Variants in CSMD1 observed in about 807,000 individuals in gnomAD.
The protein encoded by CSMD1 is CUB and sushi domain-containing protein 1.
Under a neutral mutation model 417.5 loss-of-function variants are expected in CSMD1, and 213 were observed. The observed-to-expected ratio is 0.51, with a 90% CI of 0.46 to 0.57. The LOEUF is 0.57. Among genes scored for constraint, CSMD1 ranks in the 20% least tolerant of loss-of-function variants. CSMD1 has a pLI of 0.00. For missense variants in CSMD1, 6,923 were observed against 4,529.7 expected (o/e 1.53, Z -15.17); for synonymous variants, 2,862 against 1,736.8 (o/e 1.65, Z -16.11).
intron 2 of CSMD1, among the ~76,000 whole-genome samples, chr8:4,610,474 A>G (rs1364803541): frequency 6.6e-6 from 1 of 152,200 alleles, no homozygotes. Context: ...CAGGCTCCAG[A>G]ACCCAAGCTG....
chr8:3,926,110 C>CACACACACAAACACCAT (rs1809698920), intron 5 of CSMD1, among the ~76,000 whole-genome samples: 5 of 79,272 alleles, frequency 6.3e-5, no homozygotes, highest in Non-Finnish European at 1.0e-4. Flanking sequence ...CACACACACA[C>CACACACACAAACACCAT]ACACACACAC....
intron 1 of CSMD1, among the ~76,000 whole-genome samples, chr8:4,700,811 T>C (rs1807480951): frequency 6.6e-6 from 1 of 151,878 alleles, no homozygotes; most frequent in Non-Finnish European, 1.5e-5. Flanking sequence ...GTAGAACGGA[T>C]TAGAGCATGA....
chr8:4,803,167 T>C (rs534383945), intron 1 of CSMD1, among the ~76,000 whole-genome samples: 1 of 152,186 alleles, frequency 6.6e-6, no homozygotes, highest in South Asian at 2.1e-4. Context: ...ATAAGCTATT[T>C]GTTAATATTC....
chr8:3,210,366 C>A (rs988638645), intron 30 of CSMD1, among the ~76,000 whole-genome samples: 1 of 43,484 alleles, frequency 2.3e-5, no homozygotes, highest in Non-Finnish European at 4.9e-5. Flanking sequence ...CACAGATCTT[C>A]AGACATGGAA....
In CSMD1 at chr8:3,170,862, T is replaced by C. The variant is rs573671202; in HGVS notation, c.5726-8585A>G. The stretch of plus-strand genomic sequence containing the variant: ...CCACTGATTGGACATTATTACCTAA[T>C]AATTACATCACATGAAAAGAAACGA... On this transcript the variant is annotated intron_variant, in intron 37 of 69. Transcript: ENST00000635120. 3.9e-5 allele frequency among the ~76,000 whole-genome samples: 6 copies of C among 152,338 alleles called. No individual in the cohort carries two copies. The South Asian group carries it at 8.3e-4, about 21-fold the overall frequency.
chr8:3,010,648 C>T (rs1585143880), intron 52 of CSMD1, among the ~76,000 whole-genome samples: 1 of 152,076 alleles, frequency 6.6e-6, no homozygotes, highest in South Asian at 2.1e-4. Flanking sequence ...GCTTCCCCCA[C>T]ATCTACTCTT....
At chr8:4,797,288 A>G (rs1798032870) in intron 1 of CSMD1, among the ~76,000 whole-genome samples, 1 of 152,204 alleles carries the variant, frequency 6.6e-6, no homozygotes. Flanking sequence ...ACTATGTTTT[A>G]AAACAATGAT....
intron 25 of CSMD1, among the ~76,000 whole-genome samples, chr8:3,300,316 G>A (rs1804292129): frequency 1.3e-5 from 2 of 151,994 alleles, no homozygotes; most frequent in African/African-American, 4.8e-5. Context: ...CTTTTCAAGT[G>A]TAGTTTTCTT....
chr8:3,438,670 C>A (rs576284988), intron 12 of CSMD1, among the ~76,000 whole-genome samples: 5 of 152,276 alleles, frequency 3.3e-5, no homozygotes, highest in African/African-American at 1.2e-4. Flanking sequence ...GGGTGATTTC[C>A]TGTCTTTGAC....
chr8:4,974,538 A>C (rs1393937295), intron 1 of CSMD1, among the ~76,000 whole-genome samples: 3 of 152,116 alleles, frequency 2.0e-5, no homozygotes, highest in Admixed American at 6.6e-5. Flanking sequence ...CGTGAGAGTT[A>C]GTTCAGGCAT....
At chr8:4,086,622 G>C (rs555619032) in intron 3 of CSMD1, among the ~76,000 whole-genome samples, 4 of 152,122 alleles carry the variant, frequency 2.6e-5, no homozygotes, top group Admixed American at 2.0e-4. Context: ...ATGCAGACGC[G>C]AGACTTTTCT....
At chr8:4,095,516 C>G (rs766005929) in intron 3 of CSMD1, among the ~76,000 whole-genome samples, 1 of 152,024 alleles carries the variant, frequency 6.6e-6, no homozygotes, top group Non-Finnish European at 1.5e-5. Context: ...AAAGAATGTC[C>G]CCACTAGTAT....
At chr8:3,194,141 A>T (rs1796572013) in intron 33 of CSMD1, among the ~76,000 whole-genome samples, 1 of 152,202 alleles carries the variant, frequency 6.6e-6, no homozygotes, top group Non-Finnish European at 1.5e-5. Flanking sequence ...AAAATTTTAC[A>T]TTTATTCTTC....
chr8:4,951,974 C>T (rs1004420658), intron 1 of CSMD1, among the ~76,000 whole-genome samples: 2 of 151,226 alleles, frequency 1.3e-5, no homozygotes, highest in South Asian at 2.1e-4. Flanking sequence ...CAGAGCCAAG[C>T]TTCTAAACAT....
intron 3 of CSMD1, among the ~76,000 whole-genome samples, chr8:4,411,808 C>T (rs1405037384): frequency 6.6e-6 from 1 of 152,166 alleles, no homozygotes; most frequent in African/African-American, 2.4e-5. Context: ...TATGCATTCA[C>T]ATAGCTATGC....
At chr8:3,193,156 T>C (rs1483860599) in intron 33 of CSMD1, among the ~76,000 whole-genome samples, 1 of 152,194 alleles carries the variant, frequency 6.6e-6, no homozygotes, top group Admixed American at 6.5e-5. Context: ...GCAAACATAT[T>C]TGTACCTTTG....
chr8:3,689,080 C>T (rs1054130120), intron 7 of CSMD1, among the ~76,000 whole-genome samples: 3 of 152,096 alleles, frequency 2.0e-5, no homozygotes, highest in Non-Finnish European at 4.4e-5. Flanking sequence ...ACACTTATTC[C>T]CAACTCATCA....
At chr8:3,272,381 T>G (rs967000138) in intron 26 of CSMD1, among the ~76,000 whole-genome samples, 1 of 150,798 alleles carries the variant, frequency 6.6e-6, no homozygotes, top group African/African-American at 2.4e-5. Context: ...TCCAGCTTTG[T>G]TCTTTTGGCT....
At chr8:4,017,320 G>A (rs893473709) in intron 4 of CSMD1, among the ~76,000 whole-genome samples, 1 of 151,844 alleles carries the variant, frequency 6.6e-6, no homozygotes, top group Non-Finnish European at 1.5e-5. Flanking sequence ...TTTTAGGGGA[G>A]GGAGGACAAA....
Sources: allele counts gnomAD v4.1 joint callset (sites outside exome capture counted in the v4.1 genomes callset), GRCh38; gene constraint gnomAD v4.1.1; transcripts MANE v1.5; gene names NCBI Gene and HGNC (gene_info 2026-07-23, HGNC 2026-07-21).